The following NSUN6 variants were observed in gnomAD, a reference collection of about 807,000 sequenced individuals.
NSUN6 encodes the protein tRNA (cytosine(72)-C(5))-methyltransferase NSUN6.
In NSUN6, 64 loss-of-function variants were observed where a neutral mutation model predicts 58.0. That is an observed-to-expected ratio of 1.10 (90% confidence interval 0.90 to 1.36). The LOEUF (loss-of-function observed/expected upper bound fraction) is 1.36, where lower values mean the gene tolerates loss of function less well. Ranked by LOEUF, NSUN6 falls within the 40% of genes most tolerant of loss-of-function variation. The pLI is 0.00. For missense variants in NSUN6, 701 were observed against 550.1 expected (o/e 1.27, Z -2.74); for synonymous variants, 231 against 193.9 (o/e 1.19, Z -1.59).
chr10:18,552,196 ATATAGTACAAACC>A (rs2054649028), intron 8 of NSUN6, among the ~76,000 whole-genome samples: 1 of 152,110 alleles, frequency 6.6e-6, no homozygotes, highest in Non-Finnish European at 1.5e-5. Context: ...TATTCTGTTG[ATATAGTACAAACC>A]AAGGCCTAAT....
At chr10:18,556,026 C>A (rs1271385726) in intron 8 of NSUN6, among the ~76,000 whole-genome samples, 2 of 141,112 alleles carry the variant, frequency 1.4e-5, no homozygotes, top group African/African-American at 2.7e-5. Flanking sequence ...GAAATGAAGA[C>A]TGGAATGGAG....
At chr10:18,606,348 C>T (rs997178269) in intron 6 of NSUN6, among the ~76,000 whole-genome samples, 3 of 151,158 alleles carry the variant, frequency 2.0e-5, no homozygotes, top group African/African-American at 7.3e-5. Flanking sequence ...TAACAAAATA[C>T]CTTAGTCTCA....
chr10:18,639,176 C>G (rs924728963), intron 3 of NSUN6, among the ~76,000 whole-genome samples: 1 of 152,102 alleles, frequency 6.6e-6, no homozygotes, highest in African/African-American at 2.4e-5. Context: ...GGAACCTCCT[C>G]ATTTCTCATA....
At chr10:18,557,843 T>C (rs1329112977) in intron 8 of NSUN6, among the ~76,000 whole-genome samples, 1 of 141,874 alleles carries the variant, frequency 7.0e-6, no homozygotes, top group Non-Finnish European at 1.5e-5. Context: ...TTAAATAGAA[T>C]GGAAAATAGA....
intron 7 of NSUN6, among the ~76,000 whole-genome samples, chr10:18,594,262 T>C (rs1017626693): frequency 6.6e-6 from 1 of 151,760 alleles, no homozygotes; most frequent in Admixed American, 6.6e-5. Context: ...TACTATGAAA[T>C]GGAATTGCAA....
intron 6 of NSUN6, among the ~76,000 whole-genome samples, chr10:18,605,857 T>C (rs1014893122): frequency 2.0e-5 from 3 of 152,148 alleles, no homozygotes; most frequent in Non-Finnish European, 4.4e-5. Flanking sequence ...ATACATTCAG[T>C]CTACAGAAAT....
intron 2 of NSUN6, among the ~76,000 whole-genome samples, chr10:18,646,176 C>T (rs778214103): frequency 1.3e-5 from 2 of 152,104 alleles, no homozygotes; most frequent in Non-Finnish European, 2.9e-5. Flanking sequence ...GCCTGAGCAA[C>T]AGAGCGAGAC....
At chr10:18,626,857 G>C (rs1379416370) in intron 3 of NSUN6, among the ~76,000 whole-genome samples, 1 of 152,218 alleles carries the variant, frequency 6.6e-6, no homozygotes, top group Non-Finnish European at 1.5e-5. Flanking sequence ...TTATGCTGTT[G>C]AATTACATAT....
At chr10:18,616,401 G>T in intron 3 of NSUN6, 108 bp from the exon 4 acceptor site, 1 of 595,540 alleles carries the variant, frequency 1.7e-6, no homozygotes, top group African/African-American at 1.9e-5. Flanking sequence ...TAACTGTCCT[G>T]AATACATAAG....
rs558594192 is a variant in NSUN6 at position 18,623,840 on chromosome 10, T to G, written c.312-7547A>C. On this transcript the variant is annotated intron_variant, in intron 3 of 10. Transcript: ENST00000377304. ...TAAAGCCTTCACAGAGAGCCTCGGC[T>G]CTGCTCACCAGGACTAGAGAAAAGC... 2.6e-5 allele frequency among the ~76,000 whole-genome samples: 4 copies of G among 152,286 alleles called. No homozygotes were observed. The East Asian group carries it at 7.8e-4, about 30-fold the overall frequency.
Position 18,604,648 on chromosome 10 carries a change from T to C in NSUN6, c.657+5197A>G, listed in dbSNP as rs147526184. On this transcript the variant is annotated intron_variant, in intron 6 of 10. Transcript: ENST00000377304. ...CCTGTAATCCCAGCACTTTGGGAGG[T>C]TGAGGCGGGTGGATCACCTGAGCTC... Among the ~76,000 whole-genome samples, 853 of 151,876 alleles carry C rather than the reference T, an allele frequency of 5.6e-3. 8 individuals carry two copies. Among genetic ancestry groups the C allele is most frequent in the African/African-American group, 0.017 (699 of 41,476 alleles).
At chr10:18,659,181 C>T (rs1352813711), upstream of NSUN6, 1 of 165,780 alleles carries the variant, frequency 6.0e-6, no homozygotes, top group Non-Finnish European at 1.3e-5. Context: ...ATTTCCCACC[C>T]CCCCGCGATA....
intron 3 of NSUN6, among the ~76,000 whole-genome samples, chr10:18,632,449 AC>A (rs1158052423): frequency 6.8e-6 from 1 of 147,214 alleles, no homozygotes; most frequent in Non-Finnish European, 1.5e-5. Flanking sequence ...AAAAGAAACT[AC>A]CATCAGAGTG....
intron 8 of NSUN6, among the ~76,000 whole-genome samples, chr10:18,582,143 C>A (rs541728150): frequency 1.3e-5 from 2 of 152,302 alleles, no homozygotes; most frequent in East Asian, 1.9e-4. Flanking sequence ...TCAGCCAACT[C>A]CTGAGATCTT....
At chr10:18,584,019 A>G (rs1271670298) in intron 8 of NSUN6, among the ~76,000 whole-genome samples, 1 of 152,142 alleles carries the variant, frequency 6.6e-6, no homozygotes, top group East Asian at 1.9e-4. Flanking sequence ...TAAGCCTCCA[A>G]GACAGATCTC....
rs35698731 is a variant in NSUN6, at chr10:18,617,185, G to GTT, written c.312-894_312-893dup. Among the ~76,000 whole-genome samples the GTT allele has an allele frequency of 3.3e-3, 420 of 127,620 alleles. 6 individuals are homozygous for GTT. Among genetic ancestry groups the GTT allele is most frequent in the African/African-American group, 0.01 (357 of 34,226 alleles). 83.7% of individuals were successfully genotyped at this position (127,620 alleles called of 152,430 possible). On this transcript the variant is annotated intron_variant, in intron 3 of 10. Transcript: ENST00000377304. ...CAAATTCTAATGTTTAGCCTTTCTAGTTTTTTTTTTTTTTTTTTTTGAGAC... is the reference window on the plus strand; with the variant it reads ...CAAATTCTAATGTTTAGCCTTTCTAGTTTTTTTTTTTTTTTTTTTTTTGAGAC...
chr10:18,625,057 A>G (rs2058744296), intron 3 of NSUN6, among the ~76,000 whole-genome samples: 2 of 152,170 alleles, frequency 1.3e-5, no homozygotes, highest in South Asian at 2.1e-4. Context: ...ACATGTCACA[A>G]TTAGGTGCTG....
intron 4 of NSUN6, among the ~76,000 whole-genome samples, 178 bp downstream of exon 4, chr10:18,616,006 C>G (rs1483567891): frequency 6.6e-6 from 1 of 151,530 alleles, no homozygotes; most frequent in Non-Finnish European, 1.5e-5. Context: ...ATCAGAAAAC[C>G]TTATATGATG....
intron 3 of NSUN6, among the ~76,000 whole-genome samples, chr10:18,628,924 A>C (rs2058927262): frequency 6.6e-6 from 1 of 152,172 alleles, no homozygotes; most frequent in African/African-American, 2.4e-5. Flanking sequence ...ATACTCCTCG[A>C]GAAGAGCAAC....
Sources: gnomAD v4.1 joint callset for allele counts (sites outside exome capture counted in the v4.1 genomes callset) on GRCh38, gnomAD v4.1.1 for gene constraint, MANE v1.5 for transcripts, NCBI Gene and HGNC (gene_info 2026-07-23, HGNC 2026-07-21) for gene names.